Variants in TENM2 observed in about 807,000 individuals in gnomAD.
TENM2 encodes teneurin-2.
A neutral mutation model predicts 245.2 loss-of-function variants in TENM2; 52 were observed. The ratio of observed to expected loss-of-function variants is 0.21; its 90% CI spans 0.17 to 0.27. TENM2 has a LOEUF of 0.27. Among genes scored for constraint, TENM2 ranks in the 10% least tolerant of loss-of-function variants. The pLI, the probability that TENM2 is intolerant of heterozygous loss-of-function variation, is 1.00. For synonymous variants in TENM2, 1,363 were observed against 1,438.9 expected, an observed-to-expected ratio of 0.95 and a Z score of 1.19; for missense variants, 3,046 against 3,666.8, an observed-to-expected ratio of 0.83 and a Z score of 4.37.
At chr5:167,373,049 T>C (rs1760531967) in intron 1 of TENM2, among the ~76,000 whole-genome samples, 1 of 152,218 alleles carries the variant, frequency 6.6e-6, no homozygotes, top group Non-Finnish European at 1.5e-5. Context: ...CCCTCTTCAC[T>C]GCACAGGTAG....
intron 3 of TENM2, among the ~76,000 whole-genome samples, chr5:167,915,377 C>T (rs1216183051): frequency 1.3e-5 from 2 of 152,056 alleles, no homozygotes; most frequent in Non-Finnish European, 1.5e-5. Context: ...AAATCTCATC[C>T]CAACTGAGCT....
chr5:167,142,026 G>T, the TENM2 span, among the ~76,000 whole-genome samples: 9 of 152,182 alleles, frequency 5.9e-5, no homozygotes, highest in East Asian at 1.4e-3. Context: ...AACTCGGAGG[G>T]GGGGGATGAA....
At chr5:168,052,831 T>A (rs112937908) in intron 6 of TENM2, among the ~76,000 whole-genome samples, 3 of 152,064 alleles carry the variant, frequency 2.0e-5, no homozygotes, top group African/African-American at 7.2e-5. Flanking sequence ...AAAAAAAAAA[T>A]TAGAATTTCC....
chr5:168,149,210 C>T (rs929986502), intron 12 of TENM2, among the ~76,000 whole-genome samples: 11 of 152,270 alleles, frequency 7.2e-5, no homozygotes, highest in African/African-American at 2.6e-4. Context: ...GCTGCTGTGA[C>T]TCAATGGTTC....
intron 2 of TENM2, among the ~76,000 whole-genome samples, chr5:167,840,567 C>T (rs1488468059): frequency 6.6e-6 from 1 of 151,976 alleles, no homozygotes; most frequent in Non-Finnish European, 1.5e-5. Flanking sequence ...ACAATGTTAA[C>T]TGAGAACCTG....
At chr5:167,517,420 G>C (rs1770452527) in intron 2 of TENM2, among the ~76,000 whole-genome samples, 1 of 152,108 alleles carries the variant, frequency 6.6e-6, no homozygotes, top group Non-Finnish European at 1.5e-5. Context: ...AATACTTCAA[G>C]GGAGGGATAG....
At chr5:167,981,313 G>C (rs1271096487) in intron 4 of TENM2, among the ~76,000 whole-genome samples, 2 of 152,164 alleles carry the variant, frequency 1.3e-5, no homozygotes, top group Non-Finnish European at 2.9e-5. Context: ...CCATTCCTAG[G>C]GATGGCTCCT....
chr5:167,001,543 TA>T, the TENM2 span, among the ~76,000 whole-genome samples: 15,364 of 143,494 alleles, frequency 0.11, 851 homozygotes, highest in Non-Finnish European at 0.13. Flanking sequence ...AAAGTGGAAT[TA>T]AAAAAAAAAA....
chr5:167,545,329 C>A (rs376023275), intron 2 of TENM2, among the ~76,000 whole-genome samples: 1 of 152,228 alleles, frequency 6.6e-6, no homozygotes, highest in African/African-American at 2.4e-5. Flanking sequence ...TAATTTCATT[C>A]AAGCAATTTG....
intron 15 of TENM2, among the ~76,000 whole-genome samples, chr5:168,195,622 G>A (rs1761366892): frequency 6.9e-6 from 1 of 144,538 alleles, no homozygotes; most frequent in Non-Finnish European, 1.5e-5. Flanking sequence ...TGGGGTGGGG[G>A]CAGGTTCTAG....
chr5:167,317,423 G>A (rs1756431526), intron 1 of TENM2, among the ~76,000 whole-genome samples: 1 of 152,090 alleles, frequency 6.6e-6, no homozygotes, highest in Admixed American at 6.6e-5. Context: ...AGGAGACCAT[G>A]AAAAGACCAA....
intron 13 of TENM2, among the ~76,000 whole-genome samples, chr5:168,166,391 T>C (rs774505753): frequency 2.0e-5 from 3 of 152,238 alleles, no homozygotes; most frequent in Non-Finnish European, 4.4e-5. Context: ...ATTTTTTATT[T>C]TAAACTGAGA....
At chr5:167,983,204 A>C (rs145301653) in intron 4 of TENM2, among the ~76,000 whole-genome samples, 59 of 152,222 alleles carry the variant, frequency 3.9e-4, no homozygotes, top group African/African-American at 1.3e-3. Context: ...AAGACTCTTC[A>C]TCTCATCCAA....
At chr5:168,182,378 T>C (rs1383818473) in intron 13 of TENM2, among the ~76,000 whole-genome samples, 2 of 152,218 alleles carry the variant, frequency 1.3e-5, no homozygotes, top group African/African-American at 4.8e-5. Context: ...GCCTCCATCT[T>C]AAGTGCTATA....
At chr5:167,284,811 C>T in exon 1 of TENM2, 1 of 1,527,420 alleles carries the variant, frequency 6.5e-7, no homozygotes, top group Non-Finnish European at 8.9e-7. Context: ...TTTCTGAAAA[C>T]ATCAGCATTC....
the TENM2 span, among the ~76,000 whole-genome samples, chr5:166,997,126 G>T: frequency 2.0e-5 from 3 of 152,100 alleles, no homozygotes; most frequent in Non-Finnish European, 4.4e-5. Flanking sequence ...CACACCCAGG[G>T]CTGGGATTAG....
chr5:167,470,457 T>TA (rs1766949250), intron 2 of TENM2, among the ~76,000 whole-genome samples: 1 of 143,224 alleles, frequency 7.0e-6, no homozygotes, highest in Admixed American at 7.0e-5. Flanking sequence ...ATGCTTGCTT[T>TA]TTTTTTTTTT....
At chr5:167,720,009 G>C (rs962620888) in intron 2 of TENM2, among the ~76,000 whole-genome samples, 2 of 152,094 alleles carry the variant, frequency 1.3e-5, no homozygotes, top group African/African-American at 4.8e-5. Flanking sequence ...GGGGGGCTTG[G>C]GGAAGGGAGG....
intron 2 of TENM2, among the ~76,000 whole-genome samples, chr5:167,690,742 C>T (rs1190943636): frequency 1.3e-5 from 2 of 152,030 alleles, no homozygotes; most frequent in African/African-American, 4.8e-5. Context: ...AAAATAATTC[C>T]TCCTTGCAAC....
Sources: allele counts gnomAD v4.1 joint callset (sites outside exome capture counted in the v4.1 genomes callset), GRCh38; gene constraint gnomAD v4.1.1; transcripts MANE v1.5; gene names NCBI Gene and HGNC (gene_info 2026-07-23, HGNC 2026-07-21).